SIPA1L1: variants seen among roughly 807,000 people sequenced by gnomAD.
SIPA1L1 encodes the protein signal induced proliferation associated 1 like 1.
A neutral mutation model predicts 162.7 loss-of-function variants in SIPA1L1; 26 were observed. The observed-to-expected ratio is 0.16, with a 90% CI of 0.12 to 0.22. The LOEUF (loss-of-function observed/expected upper bound fraction) is 0.22, where lower values mean the gene tolerates loss of function less well. SIPA1L1 is among the 10% of genes least tolerant of loss of function. The probability of loss-of-function intolerance (pLI) is 1.00; values close to 1 mark genes in which losing one functional copy is unlikely to be tolerated. For missense variants in SIPA1L1, 1,874 were observed against 2,241.0 expected (o/e 0.84, Z 3.31); for synonymous variants, 829 against 837.4 (o/e 0.99, Z 0.17).
chr14:71,674,990 C>G (rs1205793593), intron 12 of SIPA1L1, among the ~76,000 whole-genome samples: 1 of 152,206 alleles, frequency 6.6e-6, no homozygotes, highest in African/African-American at 2.4e-5. Context: ...AGCACAGATC[C>G]TTTCCTTATA....
intron 12 of SIPA1L1, among the ~76,000 whole-genome samples, chr14:71,684,914 A>T (rs1381826443): frequency 1.3e-5 from 2 of 148,532 alleles, no homozygotes; most frequent in African/African-American, 5.0e-5. Context: ...CCCAGTCACG[A>T]TGTGCAGTGG....
At chr14:71,625,967 C>T (rs1049020784) in intron 7 of SIPA1L1, among the ~76,000 whole-genome samples, 1 of 152,174 alleles carries the variant, frequency 6.6e-6, no homozygotes, top group Non-Finnish European at 1.5e-5. Flanking sequence ...TGCTGGATCA[C>T]AGACGGTGCT....
At chr14:71,513,021 A>G (rs1333534895) in intron 3 of SIPA1L1, among the ~76,000 whole-genome samples, 176 bp downstream of exon 3, 1 of 152,138 alleles carries the variant, frequency 6.6e-6, no homozygotes, top group Non-Finnish European at 1.5e-5. Context: ...GAACCAATGT[A>G]TACCTCACAT....
chr14:71,731,815 C>T (rs2084813459), intron 20 of SIPA1L1, among the ~76,000 whole-genome samples: 2 of 152,212 alleles, frequency 1.3e-5, no homozygotes, highest in South Asian at 4.1e-4. Context: ...AGCCCCTTCC[C>T]TTCACTTTTT....
chr14:71,337,551 C>T (rs926198642), intron 2 of SIPA1L1, among the ~76,000 whole-genome samples: 1 of 152,160 alleles, frequency 6.6e-6, no homozygotes, highest in Admixed American at 6.5e-5. Context: ...TTTATAAAAC[C>T]ATCAGATCTC....
intron 2 of SIPA1L1, among the ~76,000 whole-genome samples, chr14:71,426,422 T>G (rs933456338): frequency 6.6e-5 from 10 of 151,986 alleles, no homozygotes; most frequent in Admixed American, 1.3e-4. Context: ...GTATTTTCTT[T>G]GTGGTTACCA....
chr14:71,343,712 A>G (rs1218540697), intron 2 of SIPA1L1, among the ~76,000 whole-genome samples: 2 of 152,122 alleles, frequency 1.3e-5, no homozygotes, highest in Admixed American at 1.3e-4. Context: ...GGAAAGGAAA[A>G]AAAGGCCCCC....
At chr14:71,703,682 C>T (rs1162821845) in intron 15 of SIPA1L1, among the ~76,000 whole-genome samples, 1 of 152,200 alleles carries the variant, frequency 6.6e-6, no homozygotes, top group Non-Finnish European at 1.5e-5. Context: ...AAAAGGATCC[C>T]TTCTTCAGCA....
In SIPA1L1 at chr14:71,499,862, C is replaced by T. The variant is rs561407500; in HGVS notation, c.-464-12881C>T. ...TTGAATGAGAATAGAAATTTAAAAT[C>T]GTTTAATTGAGAAGGAGGTCATTGA... On this transcript the variant is annotated intron_variant, in intron 2 of 23. Transcript: ENST00000381232. Among the ~76,000 whole-genome samples the T allele has an allele frequency of 9.9e-5, 15 of 152,228 alleles. No individual in the cohort carries two copies. The East Asian group carries it at 2.3e-3, about 24-fold the overall frequency.
intron 2 of SIPA1L1, among the ~76,000 whole-genome samples, chr14:71,511,263 T>G (rs2051125220): frequency 1.3e-5 from 2 of 152,154 alleles, no homozygotes; most frequent in African/African-American, 4.8e-5. Context: ...TGATAGGGTA[T>G]GACAGGAGCA....
intron 4 of SIPA1L1, among the ~76,000 whole-genome samples, chr14:71,572,815 G>A (rs188877196): frequency 1.3e-5 from 2 of 152,280 alleles, no homozygotes; most frequent in African/African-American, 4.8e-5. Flanking sequence ...TACTAAGTTC[G>A]GGAAAAGTAA....
intron 19 of SIPA1L1, among the ~76,000 whole-genome samples, chr14:71,728,949 A>G (rs1393488729): frequency 6.6e-6 from 1 of 152,238 alleles, no homozygotes; most frequent in African/African-American, 2.4e-5. Flanking sequence ...TTGGTCACAG[A>G]GGCAAAAGAT....
chr14:71,734,554 G>C (rs1246206712), intron 21 of SIPA1L1, among the ~76,000 whole-genome samples: 1 of 152,104 alleles, frequency 6.6e-6, no homozygotes, highest in Non-Finnish European at 1.5e-5. Flanking sequence ...TTAATTAGGA[G>C]AATTGAAAAT....
At chr14:71,469,440 C>G (rs2047275678) in intron 2 of SIPA1L1, among the ~76,000 whole-genome samples, 1 of 152,144 alleles carries the variant, frequency 6.6e-6, no homozygotes, top group African/African-American at 2.4e-5. Flanking sequence ...CACATTATGA[C>G]CCTCCTAGAG....
intron 12 of SIPA1L1, among the ~76,000 whole-genome samples, chr14:71,675,796 G>A (rs775573686): frequency 2.6e-5 from 4 of 152,072 alleles, no homozygotes; most frequent in Non-Finnish European, 5.9e-5. Context: ...TCTTAGGGTC[G>A]CCAGGACCCA....
chr14:71,552,950 G>T (rs1250999970), intron 4 of SIPA1L1, among the ~76,000 whole-genome samples: 1 of 152,038 alleles, frequency 6.6e-6, no homozygotes, highest in African/African-American at 2.4e-5. Flanking sequence ...GTTGTGAAGG[G>T]CTGTGGAATT....
chr14:71,420,317 T>G (rs894030850), intron 2 of SIPA1L1, among the ~76,000 whole-genome samples: 24 of 152,160 alleles, frequency 1.6e-4, no homozygotes, highest in Non-Finnish European at 2.8e-4. Flanking sequence ...GTAAATGCAT[T>G]GAGGCATTTA....
intron 2 of SIPA1L1, among the ~76,000 whole-genome samples, chr14:71,459,614 G>A (rs974163014): frequency 6.6e-6 from 1 of 152,168 alleles, no homozygotes; most frequent in African/African-American, 2.4e-5. Flanking sequence ...GGCAGGAAGC[G>A]TCCAGCATGG....
chr14:71,541,524 G>T (rs1290186483), intron 4 of SIPA1L1, among the ~76,000 whole-genome samples: 3 of 152,194 alleles, frequency 2.0e-5, no homozygotes, highest in Non-Finnish European at 4.4e-5. Context: ...CACTTTGGGA[G>T]GCCAAGGTGA....
Sources: allele counts gnomAD v4.1 joint callset (sites outside exome capture counted in the v4.1 genomes callset), GRCh38; gene constraint gnomAD v4.1.1; transcripts MANE v1.5; gene names NCBI Gene and HGNC (gene_info 2026-07-23, HGNC 2026-07-21).